ACYP2: variants seen among roughly 807,000 people sequenced by gnomAD.
The protein encoded by ACYP2 is acylphosphatase 2, also known as acylphosphatase-2.
ACYP2 carries 12 observed loss-of-function variants against 11.2 expected under a neutral mutation model. The ratio of observed to expected loss-of-function variants is 1.08; its 90% CI spans 0.69 to 1.74. ACYP2 has a LOEUF of 1.74. Ranked by LOEUF, ACYP2 falls within the 40% of genes most tolerant of loss-of-function variation. The probability of loss-of-function intolerance (pLI) is 0.00; values close to 1 mark genes in which losing one functional copy is unlikely to be tolerated. For synonymous variants in ACYP2, 43 were observed against 32.2 expected (o/e 1.33, Z -1.13); for missense variants, 134 against 101.9 (o/e 1.31, Z -1.35).
At chr2:54,046,982 C>T (rs1675561668) in intron 2 of ACYP2, among the ~76,000 whole-genome samples, 1 of 152,104 alleles carries the variant, frequency 6.6e-6, no homozygotes, top group Non-Finnish European at 1.5e-5. Context: ...ATAGTGTCTA[C>T]CTCATAAGGC....
intron 2 of ACYP2, among the ~76,000 whole-genome samples, chr2:54,050,116 A>C (rs1250409100): frequency 3.3e-5 from 5 of 152,200 alleles, no homozygotes; most frequent in Non-Finnish European, 7.3e-5. Context: ...ATGACATATA[A>C]AGAATCAAAT....
chr2:54,091,423 G>T lies in ACYP2; in HGVS notation c.277+34063G>T, dbSNP rs1335320317. 2.6e-5 allele frequency among the ~76,000 whole-genome samples: 4 copies of T among 151,894 alleles called. No individual in the cohort carries two copies. In the South Asian group the frequency reaches 8.3e-4, roughly 32 times the overall value. On this transcript the variant is annotated intron_variant, in intron 4 of 6. Transcript: ENST00000607452. The stretch of plus-strand genomic sequence containing the variant: ...AAAAGGGCTATTTTTTTCTTTAATG[G>T]CCTCTGCAGATGCCCTTATCTCTTT...
At chr2:53,990,203 T>C (rs901730868) in intron 2 of ACYP2, among the ~76,000 whole-genome samples, 8 of 152,064 alleles carry the variant, frequency 5.3e-5, no homozygotes, top group African/African-American at 1.4e-4. Context: ...GGTTTTGAAC[T>C]CCTGACCTCA....
chr2:54,100,638 T>C (rs969115986), intron 4 of ACYP2, among the ~76,000 whole-genome samples: 1 of 152,034 alleles, frequency 6.6e-6, no homozygotes, highest in African/African-American at 2.4e-5. Flanking sequence ...ACTCTACCAA[T>C]TGTACAAAAT....
chr2:54,202,452 G>T (rs1259168828), intron 6 of ACYP2, among the ~76,000 whole-genome samples: 1 of 131,690 alleles, frequency 7.6e-6, no homozygotes, highest in Non-Finnish European at 1.6e-5. Context: ...CTGTCTCCCA[G>T]TCTGGAGTGC....
At chr2:54,201,682 C>CTTTCTTTCTTTCTTTCTT (rs60217019) in intron 6 of ACYP2, among the ~76,000 whole-genome samples, 151 of 110,820 alleles carry the variant, frequency 1.4e-3, no homozygotes, top group Middle Eastern at 4.3e-3. Context: ...TTCTTTCTTT[C>CTTTCTTTCTTTCTTTCTT]TCTCTCTCTC....
At chr2:54,194,343 A>G (rs927058327) in intron 6 of ACYP2, among the ~76,000 whole-genome samples, 1 of 152,158 alleles carries the variant, frequency 6.6e-6, no homozygotes, top group African/African-American at 2.4e-5. Flanking sequence ...CCCAGCCCCC[A>G]TCAACATTTT....
intron 6 of ACYP2, among the ~76,000 whole-genome samples, chr2:54,189,037 A>G (rs1221090476): frequency 6.6e-6 from 1 of 152,210 alleles, no homozygotes; most frequent in Non-Finnish European, 1.5e-5. Context: ...CTCTTTCACA[A>G]TTTTTTAAAC....
intron 4 of ACYP2, chr2:54,115,254 CAT>C (rs769735733): frequency 2.8e-6 from 1 of 354,556 alleles, no homozygotes; most frequent in Non-Finnish European, 5.1e-6. Context: ...ACAATGCATA[CAT>C]ATGTCAAAAC....
chr2:54,056,587 G>C (rs1295086962), intron 3 of ACYP2, among the ~76,000 whole-genome samples: 4 of 152,054 alleles, frequency 2.6e-5, no homozygotes, highest in Non-Finnish European at 4.4e-5. Context: ...ATCTTTCTTT[G>C]CATTTATAAT....
chr2:54,098,746 A>C (rs1037553928), intron 4 of ACYP2, among the ~76,000 whole-genome samples: 1 of 138,340 alleles, frequency 7.2e-6, no homozygotes, highest in African/African-American at 2.7e-5. Context: ...TTTTTTTTCT[A>C]AAGACAGGGT....
intron 6 of ACYP2, among the ~76,000 whole-genome samples, chr2:54,211,466 C>A (rs1193572906): frequency 3.3e-5 from 5 of 152,166 alleles, no homozygotes; most frequent in Admixed American, 3.3e-4. Context: ...TTAGTTCTTG[C>A]TCTGCTAATC....
intron 2 of ACYP2, among the ~76,000 whole-genome samples, chr2:54,042,474 T>G (rs939080874): frequency 1.2e-4 from 19 of 152,258 alleles, no homozygotes; most frequent in Admixed American, 3.9e-4. Context: ...TTCCTTAGAT[T>G]GTTTAGAATT....
At chr2:54,130,625 A>T (rs1680845758) in intron 4 of ACYP2, among the ~76,000 whole-genome samples, 1 of 152,252 alleles carries the variant, frequency 6.6e-6, no homozygotes, top group Admixed American at 6.5e-5. Context: ...TGGTAACTTT[A>T]AGTATATAAA....
chr2:53,990,673 A>G (rs941891277), intron 2 of ACYP2, among the ~76,000 whole-genome samples: 3 of 150,514 alleles, frequency 2.0e-5, no homozygotes, highest in Non-Finnish European at 4.5e-5. Flanking sequence ...AAAAAGAAAA[A>G]AAAAGAAAAA....
At chr2:54,017,547 G>C (rs1339506680) in intron 2 of ACYP2, among the ~76,000 whole-genome samples, 5 of 152,076 alleles carry the variant, frequency 3.3e-5, no homozygotes, top group East Asian at 3.9e-4. Context: ...GAGCCACTGT[G>C]CCTGGCCAGG....
chr2:54,258,124 C>T (rs1480385744), intron 6 of ACYP2, among the ~76,000 whole-genome samples: 6 of 151,932 alleles, frequency 3.9e-5, no homozygotes. Flanking sequence ...TACATTTTAG[C>T]AGGGGAGAAA....
At chr2:53,990,038 G>A (rs1407245655) in intron 2 of ACYP2, among the ~76,000 whole-genome samples, 1 of 150,446 alleles carries the variant, frequency 6.6e-6, no homozygotes, top group Non-Finnish European at 1.5e-5. Flanking sequence ...GAGTGCAATG[G>A]TGTGATCTCG....
intron 6 of ACYP2, among the ~76,000 whole-genome samples, chr2:54,183,978 C>T (rs1033188226): frequency 1.3e-5 from 2 of 152,096 alleles, no homozygotes; most frequent in Non-Finnish European, 2.9e-5. Context: ...TCTCTAGAAT[C>T]ACAAATTGGA....
Sources: gnomAD v4.1 joint callset for allele counts (sites outside exome capture counted in the v4.1 genomes callset) on GRCh38, gnomAD v4.1.1 for gene constraint, MANE v1.5 for transcripts, NCBI Gene and HGNC (gene_info 2026-07-23, HGNC 2026-07-21) for gene names.